The following NRG3 variants were observed in gnomAD, a reference collection of about 807,000 sequenced individuals.
NRG3 encodes pro-neuregulin-3, membrane-bound isoform.
NRG3 carries 31 observed loss-of-function variants against 66.9 expected under a neutral mutation model. That is an observed-to-expected ratio of 0.46 (90% CI 0.35 to 0.63). NRG3 has a LOEUF of 0.63. NRG3 is among the 20% of genes least tolerant of loss of function. The pLI, the probability that NRG3 is intolerant of heterozygous loss-of-function variation, is 0.00. For missense variants in NRG3, 910 were observed against 878.9 expected (o/e 1.04, Z -0.45); for synonymous variants, 393 against 359.4 (o/e 1.09, Z -1.06).
chr10:82,487,793 C>T lies in NRG3; in HGVS notation c.953+128925C>T, dbSNP rs557972421. 4.6e-5 allele frequency among the ~76,000 whole-genome samples: 7 copies of T among 152,322 alleles called. No homozygotes were observed. The East Asian group carries it at 1.4e-3, about 29-fold the overall frequency. ...TTCTATCAAATTCCTCTGGGTGTCT[C>T]ATGAAAATCTTGCATATTGAATTTT... On this transcript the variant is annotated intron_variant, in intron 2 of 8. Transcript: ENST00000372141.
At chr10:82,855,808 G>A (rs1341900740) in intron 3 of NRG3, among the ~76,000 whole-genome samples, 2 of 152,050 alleles carry the variant, frequency 1.3e-5, no homozygotes, top group African/African-American at 4.8e-5. Flanking sequence ...ATGTTGTTAA[G>A]GGGAAAAACC....
intron 2 of NRG3, among the ~76,000 whole-genome samples, chr10:82,592,140 G>A (rs1367862624): frequency 1.3e-5 from 2 of 152,142 alleles, no homozygotes; most frequent in Non-Finnish European, 1.5e-5. Context: ...AACATGTAAT[G>A]GCTCAGTGAA....
At chr10:82,794,342 G>A (rs2060710273) in intron 3 of NRG3, among the ~76,000 whole-genome samples, 1 of 152,144 alleles carries the variant, frequency 6.6e-6, no homozygotes, top group African/African-American at 2.4e-5. Context: ...TCTGGTATGA[G>A]ATGCAATCTT....
intron 1 of NRG3, among the ~76,000 whole-genome samples, chr10:81,902,542 C>T (rs534474959): frequency 1.2e-4 from 19 of 152,284 alleles, no homozygotes; most frequent in African/African-American, 3.6e-4. Flanking sequence ...CAGGGGATGT[C>T]TGTAAGCCAG....
chr10:82,525,148 C>A (rs1846570882), intron 2 of NRG3, among the ~76,000 whole-genome samples: 1 of 151,578 alleles, frequency 6.6e-6, no homozygotes, highest in Non-Finnish European at 1.5e-5. Context: ...TTCTAAAAAG[C>A]ATAACAAATC....
At chr10:82,821,503 G>GA (rs10550982) in intron 3 of NRG3, among the ~76,000 whole-genome samples, 4,587 of 134,586 alleles carry the variant, frequency 0.034, 81 homozygotes, top group South Asian at 0.058. Flanking sequence ...ACACTTAACT[G>GA]AAAAAAAAAA....
intron 2 of NRG3, among the ~76,000 whole-genome samples, chr10:82,463,635 A>G (rs971888960): frequency 1.3e-5 from 2 of 152,206 alleles, no homozygotes; most frequent in African/African-American, 4.8e-5. Flanking sequence ...TGTGCTTGAT[A>G]ATTTACTGAT....
At chr10:82,037,937 C>T (rs1442811795) in intron 1 of NRG3, among the ~76,000 whole-genome samples, 1 of 151,088 alleles carries the variant, frequency 6.6e-6, no homozygotes, top group African/African-American at 2.4e-5. Context: ...TCATGAATGC[C>T]TCAAAAGTCG....
chr10:82,377,280 G>A (rs972869940), intron 2 of NRG3, among the ~76,000 whole-genome samples: 2 of 152,058 alleles, frequency 1.3e-5, no homozygotes, highest in African/African-American at 4.8e-5. Flanking sequence ...CTCTGTATAG[G>A]CAGGGACAAC....
In NRG3 at chr10:82,943,821, A is replaced by G. The variant is rs74146161; in HGVS notation, c.1055-7648A>G. ...ATTAGCCATCACACAGGGGGGAAAA[A>G]TTTTAAAATATAGAAAGATGAAAAA... On this transcript the variant is annotated intron_variant, in intron 4 of 8. Transcript: ENST00000372141. 2.0e-5 allele frequency among the ~76,000 whole-genome samples: 3 copies of G among 152,294 alleles called. No individual in the cohort carries two copies. In the East Asian group the frequency reaches 5.8e-4, roughly 29 times the overall value.
chr10:82,464,751 CAATT>C (rs1840522080), intron 2 of NRG3, among the ~76,000 whole-genome samples: 1 of 152,164 alleles, frequency 6.6e-6, no homozygotes, highest in African/African-American at 2.4e-5. Flanking sequence ...CTGCATCAAT[CAATT>C]AATTATCAGA....
At chr10:82,030,180 G>A (rs1344031291) in intron 1 of NRG3, among the ~76,000 whole-genome samples, 2 of 152,040 alleles carry the variant, frequency 1.3e-5, no homozygotes, top group Non-Finnish European at 2.9e-5. Flanking sequence ...GACACCTTTG[G>A]GAGGGCAGCC....
rs565906616 is a variant in NRG3 at position 82,124,439 on chromosome 10, TA to T, written c.824-234295del. 2.6e-5 allele frequency among the ~76,000 whole-genome samples: 4 copies of T among 152,112 alleles called. No homozygotes were observed. In the East Asian group the frequency reaches 7.7e-4, roughly 29 times the overall value. On this transcript the variant is annotated intron_variant, in intron 1 of 8. Transcript: ENST00000372141. ...TACTTTTTACCCCAATGAGTAAGGA[TA>T]AAAATATTTAACAAGTTTGGCTAAC...
At chr10:82,090,391 CTACACTTTATTTAATTGGTTGAGA>C (rs2065957752) in intron 1 of NRG3, among the ~76,000 whole-genome samples, 1 of 152,140 alleles carries the variant, frequency 6.6e-6, no homozygotes, top group South Asian at 2.1e-4. Flanking sequence ...CTACTATGTG[CTACACTTTATTTAATTGGTTGAGA>C]TGAACATATG....
chr10:82,454,836 C>A (rs1028297445), intron 2 of NRG3, among the ~76,000 whole-genome samples: 2 of 152,148 alleles, frequency 1.3e-5, no homozygotes, highest in African/African-American at 4.8e-5. Context: ...TAAAGGAAAT[C>A]TGTACATCAA....
At chr10:81,976,756 A>C (rs905377884) in intron 1 of NRG3, among the ~76,000 whole-genome samples, 4 of 152,144 alleles carry the variant, frequency 2.6e-5, no homozygotes, top group Non-Finnish European at 5.9e-5. Flanking sequence ...ACACACAATT[A>C]TTTCTTTCTT....
At chr10:81,877,292 A>G (rs983328917) in intron 1 of NRG3, among the ~76,000 whole-genome samples, 5 of 152,120 alleles carry the variant, frequency 3.3e-5, no homozygotes, top group African/African-American at 1.2e-4. Flanking sequence ...TCTGATCAGG[A>G]TATGGGAACA....
At chr10:82,471,584 G>A (rs1841269280) in intron 2 of NRG3, among the ~76,000 whole-genome samples, 1 of 152,060 alleles carries the variant, frequency 6.6e-6, no homozygotes, top group Admixed American at 6.5e-5. Context: ...CATAACTTCA[G>A]GGAAAATTAA....
At chr10:82,709,336 T>C (rs1256477392) in intron 2 of NRG3, among the ~76,000 whole-genome samples, 1 of 152,008 alleles carries the variant, frequency 6.6e-6, no homozygotes, top group Non-Finnish European at 1.5e-5. Flanking sequence ...GTTGTTGTTT[T>C]TTGTTTGTTC....
Sources: gnomAD v4.1 joint callset for allele counts (sites outside exome capture counted in the v4.1 genomes callset) on GRCh38, gnomAD v4.1.1 for gene constraint, MANE v1.5 for transcripts, NCBI Gene and HGNC (gene_info 2026-07-23, HGNC 2026-07-21) for gene names.